The following RPL7L1 variants were observed in gnomAD, a reference collection of about 807,000 sequenced individuals.
RPL7L1 encodes ribosomal protein uL30-like.
In RPL7L1, 20 loss-of-function variants were observed where a neutral mutation model predicts 30.3. The observed-to-expected ratio is 0.66, with a 90% CI of 0.46 to 0.96. RPL7L1 has a LOEUF of 0.96. Among genes scored for constraint, RPL7L1 ranks in the 40% least tolerant of loss-of-function variants. The pLI is 0.00. For synonymous variants in RPL7L1, 107 were observed against 110.1 expected (o/e 0.97, Z 0.18); for missense variants, 271 against 314.9 (o/e 0.86, Z 1.05).
chr6:42,887,732 A>T lies in RPL7L1; in HGVS notation c.*1268A>T, dbSNP rs1465953722. On this transcript the variant is annotated 3_prime_UTR_variant, in exon 6 of 6. Coordinates refer to ENST00000493763, the MANE Select transcript of RPL7L1 (RefSeq NM_001366481.3). The stretch of plus-strand genomic sequence containing the variant: ...GGAGGAAGGAGTCCTGCTTTGTTGC[A>T]TGTATCCTAGGGTTTAATGTTGGTA... 6.6e-6 allele frequency: 1 copy of T among 151,642 alleles called. No homozygotes were observed. The highest frequency in any genetic ancestry group is 1.5e-5 in the Non-Finnish European group (1 of 67,838). 9.4% of individuals were successfully genotyped at this position (151,642 alleles called of 1,614,324 possible).
chr6:42,883,682 T>C, intron 3 of RPL7L1, 68 bp downstream of exon 3: 1 of 1,346,376 alleles, frequency 7.4e-7, no homozygotes, highest in Non-Finnish European at 1.0e-6. Flanking sequence ...TTAGACCCCT[T>C]TCTAGGGAGA....
rs1017208422 is a variant in RPL7L1 at position 42,884,745 on chromosome 6, C to T, written c.444C>T (p.Thr148=). ...TGCGTATAGTGGAACCTTATGTGAC[C>T]TGGGGGTAAGTAAGGTTTTCCATGT... is the stretch of plus-strand genomic sequence containing the variant. ...KMLRIVEPYV[T]WGFPNLKSVR... The change falls in exon 4 of 6, where the codon ACC becomes ACT. Residue 148 remains threonine (T), a synonymous_variant. Transcript: ENST00000493763. 9.3e-6 allele frequency: 15 copies of T among 1,611,978 alleles called. No individual in the cohort carries two copies. The African/African-American group carries it at 1.5e-4, about 16-fold the overall frequency.
At chr6:42,885,869 G>A in intron 4 of RPL7L1, 105 bp from the exon 5 acceptor site, 1 of 682,376 alleles carries the variant, frequency 1.5e-6, no homozygotes, top group Admixed American at 2.1e-5. Flanking sequence ...CTCGTTGGGA[G>A]AAGTGAGTGT....
In RPL7L1 at chr6:42,886,642, T is replaced by A. The variant is rs1766279309; in HGVS notation, c.*178T>A. The A allele has an allele frequency of 5.0e-6, 3 of 600,778 alleles. No individual in the cohort carries two copies. The highest frequency in any genetic ancestry group is 8.9e-6 in the Non-Finnish European group (3 of 337,810). The allele number at this position is 600,778 out of a possible 1,614,324, so 37.2% of individuals were successfully genotyped here. A position where few individuals can be genotyped will look rare whatever the true frequency, so the allele number is the denominator to read the frequency against. On this transcript the variant is annotated 3_prime_UTR_variant, in exon 6 of 6. Coordinates refer to ENST00000493763, the MANE Select transcript of RPL7L1 (RefSeq NM_001366481.3). ...CTGCTGGGATCAGTGAATGCCTGAT[T>A]AGGACATGGGGCTATGCATAGCCTA...
rs943690144 is a variant in RPL7L1, at chr6:42,888,606, C to G, written c.*2142C>G. On this transcript the variant is annotated 3_prime_UTR_variant, in exon 6 of 6. Coordinates refer to ENST00000493763, the MANE Select transcript of RPL7L1 (RefSeq NM_001366481.3). ...TAGTGGCAGATAGTGTTAACCCCTGCACCATCTGTAACTCAGAAATCCCCA... is the reference window on the plus strand; with the variant it reads ...TAGTGGCAGATAGTGTTAACCCCTGGACCATCTGTAACTCAGAAATCCCCA... 6.6e-6 allele frequency: 1 copy of G among 152,238 alleles called. No homozygotes were observed. Among genetic ancestry groups the G allele is most frequent in the South Asian group, 2.1e-4 (1 of 4,830 alleles). The allele number at this position is 152,238 out of a possible 1,614,324, so 9.4% of individuals were successfully genotyped here. A position where few individuals can be genotyped will look rare whatever the true frequency, so the allele number is the denominator to read the frequency against.
chr6:42,887,755 G>T lies in RPL7L1; in HGVS notation c.*1291G>T, dbSNP rs1766327478. ...GCATGTATCCTAGGGTTTAATGTTGGTAAATGAGTCACTCTAGCATTTGTA... is the reference window on the plus strand; with the variant it reads ...GCATGTATCCTAGGGTTTAATGTTGTTAAATGAGTCACTCTAGCATTTGTA... On this transcript the variant is annotated 3_prime_UTR_variant, in exon 6 of 6. Transcript: ENST00000493763. The T allele has an allele frequency of 6.6e-6, 1 of 150,878 alleles. No homozygotes were observed. Among genetic ancestry groups the T allele is most frequent in the South Asian group, 2.1e-4 (1 of 4,758 alleles). The allele number at this position is 150,878 out of a possible 1,614,324, so 9.3% of individuals were successfully genotyped here.
In RPL7L1 at chr6:42,884,651, C is replaced by T; in HGVS notation, c.350C>T (p.Ala117Val). The T allele has an allele frequency of 1.2e-6, 2 of 1,613,544 alleles. No individual in the cohort carries two copies. The highest frequency in any genetic ancestry group is 2.7e-5 in the African/African-American group (2 of 75,032). ...GVSLLVQRTI[A>V]RLRLKKIFSG... ...AGTTTACTGGTGCAGAGAACCATTG[C>T]AAGACTTCGCCTAAAGAAAATTTTT... Residue 117 changes from alanine (A) to valine (V), a missense_variant, in exon 4 of 6, where the codon GCA becomes GTA. Transcript: ENST00000493763.
rs777613004 is a variant in RPL7L1, at chr6:42,883,440, C to G, written c.148-11C>G. ...GCACAAGATGATGATGATGGTCTGT[C>G]TTCTCTGTAGCAGAAGAAAGGAAAA... On this transcript the variant is annotated splice_polypyrimidine_tract_variant and intron_variant, in intron 2 of 5. Transcript: ENST00000493763. 1.7e-5 allele frequency: 26 copies of G among 1,563,094 alleles called. No individual in the cohort carries two copies. The South Asian group carries it at 2.8e-4, about 17-fold the overall frequency.
At chr6:42,880,042 G>C (rs1431249749) in intron 1 of RPL7L1, 91 bp downstream of exon 1, 1 of 1,286,550 alleles carries the variant, frequency 7.8e-7, no homozygotes, top group African/African-American at 1.5e-5. Flanking sequence ...GATTCCTGTG[G>C]GCTCTAGGAA....
intron 3 of RPL7L1, among the ~76,000 whole-genome samples, chr6:42,884,208 G>C (rs541857726): frequency 1.3e-5 from 2 of 152,028 alleles, no homozygotes; most frequent in African/African-American, 2.4e-5. Context: ...CTTCCTCCTG[G>C]ATTTCCTTGC....
rs1270652744 is a variant in RPL7L1 at position 42,889,751 on chromosome 6, C to CA, written c.*3289dup. 2.6e-5 allele frequency: 4 copies of CA among 152,066 alleles called. No homozygotes were observed. Among genetic ancestry groups the CA allele is most frequent in the Admixed American group, 6.6e-5 (1 of 15,256 alleles). 9.4% of individuals were successfully genotyped at this position (152,066 alleles called of 1,614,324 possible). A position where few individuals can be genotyped will look rare whatever the true frequency, so the allele number is the denominator to read the frequency against. ...TGATGGTTAAAGGGATTAAACAAAACAATAGTTTGTAATTTATTCTGTCAG... is the reference window on the plus strand; with the variant it reads ...TGATGGTTAAAGGGATTAAACAAAACAAATAGTTTGTAATTTATTCTGTCAG... On this transcript the variant is annotated 3_prime_UTR_variant, in exon 6 of 6. Transcript: ENST00000493763.
intron 4 of RPL7L1, 62 bp downstream of exon 4, chr6:42,884,812 C>G (rs768616423): frequency 1.3e-6 from 2 of 1,508,686 alleles, no homozygotes; most frequent in African/African-American, 2.8e-5. Context: ...CAGGGTGCAC[C>G]GGGTATTGCT....
rs770282712 is a variant in RPL7L1, at chr6:42,883,524, A to G, written c.221A>G (p.Asp74Gly). 1.7e-5 allele frequency: 28 copies of G among 1,609,814 alleles called. No individual in the cohort carries two copies. Among genetic ancestry groups the G allele is most frequent in the Non-Finnish European group, 2.2e-5 (26 of 1,178,086 alleles). Residue 74 changes from aspartate to glycine, a missense_variant, in exon 3 of 6, where the codon GAC becomes GGC. Asp to Gly is a moderately conservative substitution (Grantham distance 94, BLOSUM62 -1). Transcript: ENST00000493763. ...FLHDSWRQKR[D>G]KVRLRRLEVK... is the part of the protein sequence containing the mutation. ...CATGATTCCTGGCGGCAGAAACGTGACAAGGTGCGTCTCAGACGACTAGAA... is the reference window on the plus strand; with the variant it reads ...CATGATTCCTGGCGGCAGAAACGTGGCAAGGTGCGTCTCAGACGACTAGAA...
chr6:42,882,464 G>A (rs959321787), intron 2 of RPL7L1: 2 of 151,606 alleles, frequency 1.3e-5, no homozygotes, highest in African/African-American at 2.4e-5. Flanking sequence ...ACTGTGGCAT[G>A]CGCCTGTAAT....
At chr6:42,884,952 G>T (rs60616910) in intron 4 of RPL7L1, among the ~76,000 whole-genome samples, 2,171 of 152,256 alleles carry the variant, frequency 0.014, 47 homozygotes, top group African/African-American at 0.049. Flanking sequence ...AGTAGGGCTG[G>T]TTCAGTCATA....
intron 3 of RPL7L1, 81 bp from the exon 4 acceptor site, chr6:42,884,532 G>GT (rs1766191844): frequency 7.7e-7 from 1 of 1,292,556 alleles, no homozygotes; most frequent in African/African-American, 1.5e-5. Flanking sequence ...ATTACCCAGT[G>GT]TAGTGACCTC....
Position 42,888,554 on chromosome 6 carries a change from G to C in RPL7L1, c.*2090G>C, listed in dbSNP as rs1163989913. 6.6e-6 allele frequency: 1 copy of C among 152,200 alleles called. No individual in the cohort carries two copies. The highest frequency in any genetic ancestry group is 2.4e-5 in the African/African-American group (1 of 41,430). 9.4% of individuals were successfully genotyped at this position (152,200 alleles called of 1,614,324 possible). ...GTTCCATGTCCTATGGAAGACCAAAGTTTACCAAGATAGATTTTTCCCTTC... is the reference window on the plus strand; with the variant it reads ...GTTCCATGTCCTATGGAAGACCAAACTTTACCAAGATAGATTTTTCCCTTC... On this transcript the variant is annotated 3_prime_UTR_variant, in exon 6 of 6. Transcript: ENST00000493763.
At chr6:42,881,545 C>T (rs1462269210) in intron 2 of RPL7L1, 2 of 151,930 alleles carry the variant, frequency 1.3e-5, no homozygotes, top group Non-Finnish European at 2.9e-5. Context: ...AGTTTAAATC[C>T]TCTCTGGATT....
chr6:42,879,715 G>C lies in RPL7L1; in HGVS notation c.-196G>C, dbSNP rs955702172. 28 of 568,194 alleles carry C rather than the reference G, an allele frequency of 4.9e-5. No individual in the cohort carries two copies. Among genetic ancestry groups the C allele is most frequent in the Non-Finnish European group, 7.7e-5 (24 of 313,174 alleles). 35.2% of individuals were successfully genotyped at this position (568,194 alleles called of 1,614,324 possible). Reference sequence around the variant, plus strand: ...ACTGTAACTTACAAGAAAAGGGCTGGGTTTTGAAAATAACACAGGCTCTAA... The same window carrying C: ...ACTGTAACTTACAAGAAAAGGGCTGCGTTTTGAAAATAACACAGGCTCTAA... On this transcript the variant is annotated 5_prime_UTR_variant, in exon 1 of 6. Coordinates refer to ENST00000493763, the MANE Select transcript of RPL7L1 (RefSeq NM_001366481.3).
Sources: allele counts gnomAD v4.1 joint callset (sites outside exome capture counted in the v4.1 genomes callset), GRCh38; gene constraint gnomAD v4.1.1; transcripts MANE v1.5; gene names NCBI Gene and HGNC (gene_info 2026-07-23, HGNC 2026-07-21).